Variants in AKT3 observed in about 807,000 individuals in gnomAD.
AKT3 encodes RAC-gamma serine/threonine-protein kinase.
In AKT3, 15 loss-of-function variants were observed where a neutral mutation model predicts 65.3. The observed-to-expected ratio is 0.23, with a 90% confidence interval of 0.15 to 0.35. The LOEUF (loss-of-function observed/expected upper bound fraction) is 0.35, where lower values mean the gene tolerates loss of function less well. AKT3 is among the 10% of genes least tolerant of loss of function. The pLI is 1.00. For missense variants in AKT3, 243 were observed against 576.5 expected, an observed-to-expected ratio of 0.42 and a Z score of 5.92; for synonymous variants, 206 against 183.8, an observed-to-expected ratio of 1.12 and a Z score of -0.98.
At chr1:243,598,575 T>C (rs974284799) in intron 8 of AKT3, among the ~76,000 whole-genome samples, 4 of 152,172 alleles carry the variant, frequency 2.6e-5, no homozygotes, top group African/African-American at 9.7e-5. Flanking sequence ...CTCCCACGGT[T>C]TAGTAAGTGA....
intron 2 of AKT3, among the ~76,000 whole-genome samples, chr1:243,802,177 T>A (rs1014227363): frequency 6.6e-6 from 1 of 152,204 alleles, no homozygotes; most frequent in Non-Finnish European, 1.5e-5. Flanking sequence ...TAAGTTTGTA[T>A]ACTTTTTTGC....
intron 3 of AKT3, among the ~76,000 whole-genome samples, chr1:243,690,044 G>T (rs745604767): frequency 1.3e-5 from 2 of 151,852 alleles, no homozygotes; most frequent in Non-Finnish European, 2.9e-5. Flanking sequence ...TTTTAAGAAG[G>T]GACTGAAGAA....
At chr1:243,726,909 A>G (rs1425551192) in intron 2 of AKT3, among the ~76,000 whole-genome samples, 2 of 152,242 alleles carry the variant, frequency 1.3e-5, no homozygotes, top group Non-Finnish European at 2.9e-5. Context: ...AAAGCAAAGC[A>G]GATAAGATTC....
chr1:243,719,370 A>G (rs1686730476), intron 2 of AKT3, among the ~76,000 whole-genome samples: 1 of 152,272 alleles, frequency 6.6e-6, no homozygotes, highest in African/African-American at 2.4e-5. Flanking sequence ...TCTATCTTTT[A>G]TTCATCTCAT....
intron 8 of AKT3, among the ~76,000 whole-genome samples, chr1:243,577,536 A>G (rs1313256891): frequency 6.6e-6 from 1 of 152,204 alleles, no homozygotes; most frequent in African/African-American, 2.4e-5. Flanking sequence ...ACCTTATACA[A>G]AAATTAACTC....
chr1:243,591,831 G>GA (rs1676250321), intron 8 of AKT3, among the ~76,000 whole-genome samples: 1 of 151,462 alleles, frequency 6.6e-6, no homozygotes, highest in Admixed American at 6.6e-5. Flanking sequence ...GACACAGGGG[G>GA]AAAAACCCAA....
chr1:243,583,520 C>T (rs1675562676), intron 8 of AKT3, among the ~76,000 whole-genome samples: 1 of 141,522 alleles, frequency 7.1e-6, no homozygotes, highest in African/African-American at 2.7e-5. Flanking sequence ...TGACCACATG[C>T]TCGTCCTTAA....
chr1:243,535,744 T>A (rs1021252619), intron 12 of AKT3, among the ~76,000 whole-genome samples: 1 of 152,062 alleles, frequency 6.6e-6, no homozygotes, highest in African/African-American at 2.4e-5. Flanking sequence ...TACCTACTAG[T>A]GGAATTCCTG....
chr1:243,531,355 C>A (rs1051242768), intron 12 of AKT3, among the ~76,000 whole-genome samples: 3 of 152,254 alleles, frequency 2.0e-5, no homozygotes, highest in Non-Finnish European at 2.9e-5. Context: ...ATGCTGGGAT[C>A]ACAGGAATGA....
At chr1:243,819,325 C>T (rs1011079060) in intron 2 of AKT3, among the ~76,000 whole-genome samples, 2 of 152,180 alleles carry the variant, frequency 1.3e-5, no homozygotes, top group South Asian at 2.1e-4. Flanking sequence ...GGAGACTGGA[C>T]GGTTTGGACC....
At chr1:243,814,826 A>G (rs997320512) in intron 2 of AKT3, 2 of 152,252 alleles carry the variant, frequency 1.3e-5, no homozygotes, top group Non-Finnish European at 2.9e-5. Flanking sequence ...CCAGTGATGC[A>G]TAAGGCATAG....
At chr1:243,629,104 C>T (rs1679399414) in intron 6 of AKT3, among the ~76,000 whole-genome samples, 1 of 152,024 alleles carries the variant, frequency 6.6e-6, no homozygotes, top group Non-Finnish European at 1.5e-5. Context: ...TGGTGAAACC[C>T]CGCCTCTACT....
intron 2 of AKT3, among the ~76,000 whole-genome samples, chr1:243,796,435 T>C (rs1330452210): frequency 1.3e-5 from 2 of 152,238 alleles, no homozygotes; most frequent in African/African-American, 2.4e-5. Flanking sequence ...TTGCTTTTGC[T>C]GTTACATGGA....
At chr1:243,678,816 T>A (rs570432564) in intron 3 of AKT3, among the ~76,000 whole-genome samples, 1 of 152,294 alleles carries the variant, frequency 6.6e-6, no homozygotes, top group East Asian at 1.9e-4. Flanking sequence ...GGAAGTAAAG[T>A]TTTCTTTCTT....
At chr1:243,529,403 A>G (rs200713902) in intron 12 of AKT3, among the ~76,000 whole-genome samples, 3 of 152,088 alleles carry the variant, frequency 2.0e-5, no homozygotes, top group Non-Finnish European at 2.9e-5. Context: ...GTTATCTTAT[A>G]TGGCATTTTT....
At chr1:243,592,629 G>A (rs1184173282) in intron 8 of AKT3, among the ~76,000 whole-genome samples, 1 of 152,066 alleles carries the variant, frequency 6.6e-6, no homozygotes, top group Admixed American at 6.5e-5. Context: ...AAAATGAGAG[G>A]AAAATAAAGC....
chr1:243,692,158 G>C (rs993189936), intron 3 of AKT3, among the ~76,000 whole-genome samples: 1 of 152,124 alleles, frequency 6.6e-6, no homozygotes, highest in African/African-American at 2.4e-5. Context: ...AACAGCAAAA[G>C]CAGGAAGGCC....
At position 243,526,778 on chromosome 1, in the gene AKT3, T is replaced by TAAAAAAAAAAAAAAAA. The variant is rs1671117704; in HGVS notation, c.1252-14353_1252-14352insTTTTTTTTTTTTTTTT. On this transcript the variant is annotated intron_variant, in intron 12 of 13. Coordinates refer to ENST00000673466, the MANE Select transcript of AKT3 (RefSeq NM_005465.7). Reference sequence around the variant, plus strand: ...TTGCCAGCTGCACTACAAAAAATGGTTAAAAAAAAAAAAAAAAAAAAAAAA... The same window carrying TAAAAAAAAAAAAAAAA: ...TTGCCAGCTGCACTACAAAAAATGGTAAAAAAAAAAAAAAAATAAAAAAAAAAAAAAAAAAAAAAAA... Among the ~76,000 whole-genome samples the TAAAAAAAAAAAAAAAA allele has an allele frequency of 3.6e-4, 20 of 55,726 alleles. 6 individuals are homozygous for TAAAAAAAAAAAAAAAA. Among genetic ancestry groups the TAAAAAAAAAAAAAAAA allele is most frequent in the African/African-American group, 7.9e-4 (13 of 16,472 alleles). The allele number at this position is 55,726 out of a possible 152,430, so 36.6% of individuals were successfully genotyped here. A position where few individuals can be genotyped will look rare whatever the true frequency, so the allele number is the denominator to read the frequency against.
chr1:243,822,467 C>CAAAA (rs201535118), intron 2 of AKT3, among the ~76,000 whole-genome samples: 2 of 141,512 alleles, frequency 1.4e-5, no homozygotes, highest in African/African-American at 2.8e-5. Flanking sequence ...AAAAACCCTT[C>CAAAA]AAAAAAAAAA....
Sources: allele counts gnomAD v4.1 joint callset (sites outside exome capture counted in the v4.1 genomes callset), GRCh38; gene constraint gnomAD v4.1.1; transcripts MANE v1.5; gene names NCBI Gene and HGNC (gene_info 2026-07-23, HGNC 2026-07-21).